The following GRID1 variants were observed in gnomAD, a reference collection of about 807,000 sequenced individuals.
The protein encoded by GRID1 is glutamate ionotropic receptor delta type subunit 1.
Under a neutral mutation model 98.0 loss-of-function variants are expected in GRID1, and 28 were observed. The ratio of observed to expected loss-of-function variants is 0.29; its 90% confidence interval spans 0.21 to 0.39. The LOEUF is 0.39. Ranked by LOEUF, GRID1 falls within the 10% of genes least tolerant of loss-of-function variation. The pLI is 1.00. For synonymous variants in GRID1, 553 were observed against 538.5 expected (o/e 1.03, Z -0.37); for missense variants, 1,111 against 1,340.5 (o/e 0.83, Z 2.67).
At chr10:85,796,807 G>A (rs1487763139) in intron 8 of GRID1, among the ~76,000 whole-genome samples, 3 of 152,000 alleles carry the variant, frequency 2.0e-5, no homozygotes, top group Non-Finnish European at 4.4e-5. Context: ...GTATTTTAAG[G>A]CATTTTAAGT....
chr10:86,168,122 C>T (rs543225514), intron 3 of GRID1, among the ~76,000 whole-genome samples: 22 of 152,258 alleles, frequency 1.4e-4, no homozygotes, highest in African/African-American at 4.1e-4. Context: ...AGAGGCACTA[C>T]GGGGCAAGGT....
At chr10:85,648,763 G>A (rs373044037) in intron 12 of GRID1, among the ~76,000 whole-genome samples, 1 of 152,178 alleles carries the variant, frequency 6.6e-6, no homozygotes, top group East Asian at 1.9e-4. Context: ...ACAGCCAACA[G>A]CTGCCTCTTT....
At chr10:86,224,268 G>C (rs972398238) in intron 2 of GRID1, among the ~76,000 whole-genome samples, 1 of 152,112 alleles carries the variant, frequency 6.6e-6, no homozygotes, top group African/African-American at 2.4e-5. Context: ...CTGGCTAAGT[G>C]AGCCCAAGTG....
At chr10:85,635,946 G>A (rs1417223226) in intron 13 of GRID1, among the ~76,000 whole-genome samples, 1 of 152,240 alleles carries the variant, frequency 6.6e-6, no homozygotes, top group Non-Finnish European at 1.5e-5. Flanking sequence ...GCGCTGGAGT[G>A]AGAAGAGTTC....
At chr10:86,001,358 A>C (rs1186281129) in intron 4 of GRID1, among the ~76,000 whole-genome samples, 2 of 152,222 alleles carry the variant, frequency 1.3e-5, no homozygotes, top group African/African-American at 4.8e-5. Flanking sequence ...CAAACCACAC[A>C]AAACACCCCA....
At chr10:85,721,935 T>C (rs1841707320) in intron 12 of GRID1, among the ~76,000 whole-genome samples, 1 of 152,188 alleles carries the variant, frequency 6.6e-6, no homozygotes, top group Non-Finnish European at 1.5e-5. Flanking sequence ...GGTTTTGATA[T>C]AATATTAGAC....
chr10:86,112,098 A>G (rs1300770919), intron 4 of GRID1, among the ~76,000 whole-genome samples: 1 of 152,188 alleles, frequency 6.6e-6, no homozygotes, highest in Non-Finnish European at 1.5e-5. Flanking sequence ...TAGATGACTC[A>G]ACACAGGAGT....
At chr10:86,075,755 G>A (rs748882529) in intron 4 of GRID1, among the ~76,000 whole-genome samples, 1 of 152,188 alleles carries the variant, frequency 6.6e-6, no homozygotes, top group Non-Finnish European at 1.5e-5. Context: ...CAGAGAACAC[G>A]CAGAGGACCC....
intron 4 of GRID1, among the ~76,000 whole-genome samples, chr10:85,967,850 G>A (rs1465304916): frequency 6.6e-6 from 1 of 152,122 alleles, no homozygotes; most frequent in Non-Finnish European, 1.5e-5. Flanking sequence ...GTGGCCAGAG[G>A]TAGTAAGATG....
chr10:86,259,408 C>T (rs1351691962), intron 2 of GRID1, among the ~76,000 whole-genome samples: 2 of 152,148 alleles, frequency 1.3e-5, no homozygotes, highest in Non-Finnish European at 2.9e-5. Flanking sequence ...CCCTTGTGTG[C>T]GTGTAAACAA....
Position 85,600,751 on chromosome 10 carries a change from T to G in GRID1, c.*1522A>C, listed in dbSNP as rs1842562312. The stretch of plus-strand genomic sequence containing the variant: ...TCTTTCCCTGATTCTGTAGTTTAGT[T>G]GCCTCAGAAAGGGCAACTGAAGGAG... On this transcript the variant is annotated 3_prime_UTR_variant, in exon 16 of 16. Coordinates refer to ENST00000327946, the MANE Select transcript of GRID1 (RefSeq NM_017551.3). 2 of 152,234 alleles carry G rather than the reference T, an allele frequency of 1.3e-5. No individual in the cohort carries two copies. The highest frequency in any genetic ancestry group is 6.5e-5 in the Admixed American group (1 of 15,286). The allele number at this position is 152,234 out of a possible 1,614,324, so 9.4% of individuals were successfully genotyped here.
intron 4 of GRID1, among the ~76,000 whole-genome samples, chr10:86,026,102 T>C (rs1048714556): frequency 6.6e-6 from 1 of 152,210 alleles, no homozygotes; most frequent in African/African-American, 2.4e-5. Flanking sequence ...TCCCAGAGTT[T>C]TGATGATAAT....
intron 2 of GRID1, among the ~76,000 whole-genome samples, chr10:86,267,054 C>A (rs1237857454): frequency 6.6e-6 from 1 of 152,204 alleles, no homozygotes; most frequent in Admixed American, 6.5e-5. Context: ...ACGTCAGCAT[C>A]ACGTCACGGC....
At chr10:85,603,870 G>A (rs1842617904) in intron 15 of GRID1, among the ~76,000 whole-genome samples, 1 of 152,160 alleles carries the variant, frequency 6.6e-6, no homozygotes, top group African/African-American at 2.4e-5. Context: ...TTGGAGAAAG[G>A]AACCCATCCC....
chr10:85,702,096 A>G (rs1841457997), intron 12 of GRID1, among the ~76,000 whole-genome samples: 1 of 152,178 alleles, frequency 6.6e-6, no homozygotes, highest in Non-Finnish European at 1.5e-5. Context: ...TAAAGAATAT[A>G]TTGTTAGAAA....
chr10:85,855,132 C>T (rs1843097384), intron 7 of GRID1, among the ~76,000 whole-genome samples: 1 of 152,264 alleles, frequency 6.6e-6, no homozygotes, highest in South Asian at 2.1e-4. Flanking sequence ...ACCTTGGGCA[C>T]ATTGCCCATC....
chr10:85,776,998 A>T (rs1842337587), intron 8 of GRID1, among the ~76,000 whole-genome samples: 1 of 152,208 alleles, frequency 6.6e-6, no homozygotes, highest in Admixed American at 6.5e-5. Flanking sequence ...AGCTGAAATC[A>T]TTATCTGGAT....
At chr10:86,032,473 T>C (rs1843201068) in intron 4 of GRID1, among the ~76,000 whole-genome samples, 1 of 152,230 alleles carries the variant, frequency 6.6e-6, no homozygotes, top group Admixed American at 6.5e-5. Context: ...CATTTTGTTC[T>C]GTACTAAGAA....
intron 12 of GRID1, among the ~76,000 whole-genome samples, chr10:85,710,349 G>T (rs73328625): frequency 0.027 from 4,177 of 152,154 alleles, 169 homozygotes; most frequent in African/African-American, 0.095. Context: ...TTCGATGAGG[G>T]TGCCAAGACA....
Sources: gnomAD v4.1 joint callset for allele counts (sites outside exome capture counted in the v4.1 genomes callset) on GRCh38, gnomAD v4.1.1 for gene constraint, MANE v1.5 for transcripts, NCBI Gene and HGNC (gene_info 2026-07-23, HGNC 2026-07-21) for gene names.